Variants in TNKS observed in about 807,000 individuals in gnomAD.
The protein encoded by TNKS is tankyrase, also known as poly [ADP-ribose] polymerase tankyrase-1.
Under a neutral mutation model 135.8 loss-of-function variants are expected in TNKS, and 72 were observed. The ratio of observed to expected loss-of-function variants is 0.53; its 90% confidence interval spans 0.44 to 0.64. TNKS has a LOEUF of 0.64. Among genes scored for constraint, TNKS ranks in the 30% least tolerant of loss-of-function variants. The pLI is 0.00. For missense variants in TNKS, 1,769 were observed against 1,674.0 expected (o/e 1.06, Z -0.99); for synonymous variants, 849 against 649.3 (o/e 1.31, Z -4.68).
chr8:9,587,970 A>G (rs1186384522), intron 2 of TNKS, among the ~76,000 whole-genome samples: 2 of 152,214 alleles, frequency 1.3e-5, no homozygotes, highest in Non-Finnish European at 2.9e-5. Context: ...GTCACTGAGG[A>G]TAAGTAGCAG....
At chr8:9,600,241 C>CT (rs1390524343) in intron 2 of TNKS, among the ~76,000 whole-genome samples, 2 of 152,292 alleles carry the variant, frequency 1.3e-5, no homozygotes, top group East Asian at 3.9e-4. Context: ...GTTCTTAACT[C>CT]TAACTATGGC....
At chr8:9,757,428 C>T (rs952394781) in intron 20 of TNKS, among the ~76,000 whole-genome samples, 1 of 152,206 alleles carries the variant, frequency 6.6e-6, no homozygotes. Context: ...CTCAAATACT[C>T]TGTATTCTTT....
At chr8:9,565,546 C>G (rs1285241402) in intron 1 of TNKS, among the ~76,000 whole-genome samples, 2 of 152,098 alleles carry the variant, frequency 1.3e-5, no homozygotes, top group Non-Finnish European at 2.9e-5. Context: ...AAGCTATAGT[C>G]TCTGTGTCAT....
At chr8:9,765,608 T>C in intron 23 of TNKS, 84 bp from the exon 24 acceptor site, 12 of 1,183,292 alleles carry the variant, frequency 1.0e-5, no homozygotes, top group Non-Finnish European at 1.2e-5. Flanking sequence ...AAATTGAACC[T>C]TCCTAAAAGG....
intron 2 of TNKS, among the ~76,000 whole-genome samples, chr8:9,596,027 A>C (rs547360480): frequency 1.3e-5 from 2 of 152,156 alleles, no homozygotes; most frequent in Non-Finnish European, 2.9e-5. Context: ...CAGAAGGATC[A>C]CTTGAGTGGG....
At chr8:9,652,184 T>C (rs1298513764) in intron 3 of TNKS, among the ~76,000 whole-genome samples, 1 of 152,180 alleles carries the variant, frequency 6.6e-6, no homozygotes, top group Non-Finnish European at 1.5e-5. Flanking sequence ...CAGATAGATA[T>C]TTGTATGACA....
At chr8:9,716,870 T>C (rs1804627431) in intron 11 of TNKS, among the ~76,000 whole-genome samples, 1 of 151,706 alleles carries the variant, frequency 6.6e-6, no homozygotes, top group African/African-American at 2.4e-5. Flanking sequence ...CTTAGAAGTA[T>C]ACCACCTGCA....
At chr8:9,571,333 A>C (rs576007656) in intron 1 of TNKS, among the ~76,000 whole-genome samples, 2 of 152,254 alleles carry the variant, frequency 1.3e-5, no homozygotes, top group African/African-American at 2.4e-5. Flanking sequence ...TCGCTTTGGT[A>C]ATCGTCTTAG....
chr8:9,703,671 T>C (rs1489124821), intron 5 of TNKS, among the ~76,000 whole-genome samples: 5 of 152,250 alleles, frequency 3.3e-5, no homozygotes, highest in Non-Finnish European at 7.3e-5. Context: ...AGTACTTCTT[T>C]TGTATCTTCA....
At chr8:9,647,201 G>C (rs140613233) in intron 3 of TNKS, among the ~76,000 whole-genome samples, 1 of 152,238 alleles carries the variant, frequency 6.6e-6, no homozygotes, top group East Asian at 1.9e-4. Flanking sequence ...TCTACCCTCA[G>C]TCTAGACAAT....
chr8:9,702,260 G>A (rs1483692838), intron 5 of TNKS, among the ~76,000 whole-genome samples: 1 of 152,060 alleles, frequency 6.6e-6, no homozygotes, highest in Non-Finnish European at 1.5e-5. Context: ...AACTATATAG[G>A]TCTAAGAAGC....
intron 5 of TNKS, among the ~76,000 whole-genome samples, chr8:9,686,279 C>A (rs1161041614): frequency 1.3e-5 from 2 of 152,154 alleles, no homozygotes; most frequent in Non-Finnish European, 2.9e-5. Context: ...AGGCCCCTAG[C>A]CAACAGACCC....
chr8:9,598,371 A>G (rs1196416229), intron 2 of TNKS, among the ~76,000 whole-genome samples: 1 of 152,026 alleles, frequency 6.6e-6, no homozygotes, highest in Admixed American at 6.6e-5. Context: ...TTCTTAGGAG[A>G]CTAAAATTGA....
chr8:9,607,947 A>G (rs1222750118), intron 2 of TNKS, among the ~76,000 whole-genome samples: 1 of 151,944 alleles, frequency 6.6e-6, no homozygotes, highest in Non-Finnish European at 1.5e-5. Flanking sequence ...GATTTGTGTT[A>G]TTTTAGTTTT....
intron 3 of TNKS, among the ~76,000 whole-genome samples, chr8:9,620,020 G>A (rs1032166552): frequency 4.0e-5 from 6 of 151,644 alleles, no homozygotes; most frequent in African/African-American, 1.5e-4. Context: ...CGCTATCTTG[G>A]CTCACTGCAA....
intron 2 of TNKS, among the ~76,000 whole-genome samples, chr8:9,602,932 T>C (rs916887369): frequency 2.0e-5 from 3 of 152,256 alleles, no homozygotes; most frequent in African/African-American, 7.2e-5. Context: ...TGATCAATAC[T>C]TGATCTATAT....
intron 18 of TNKS, among the ~76,000 whole-genome samples, chr8:9,749,356 C>G (rs1350923143): frequency 6.6e-6 from 1 of 152,128 alleles, no homozygotes; most frequent in Non-Finnish European, 1.5e-5. Context: ...CAGCCAGACA[C>G]ATGTTATCAG....
intron 2 of TNKS, among the ~76,000 whole-genome samples, chr8:9,596,031 G>T (rs571061701): frequency 6.6e-6 from 1 of 152,304 alleles, no homozygotes; most frequent in South Asian, 2.1e-4. Flanking sequence ...AGGATCACTT[G>T]AGTGGGGAGG....
chr8:9,680,324 A>G (rs1802729801), intron 4 of TNKS, among the ~76,000 whole-genome samples: 1 of 152,050 alleles, frequency 6.6e-6, no homozygotes, highest in Non-Finnish European at 1.5e-5. Context: ...TGAAGAGCAA[A>G]AAGTAAATGT....
Sources: gnomAD v4.1 joint callset for allele counts (sites outside exome capture counted in the v4.1 genomes callset) on GRCh38, gnomAD v4.1.1 for gene constraint, MANE v1.5 for transcripts, NCBI Gene and HGNC (gene_info 2026-07-23, HGNC 2026-07-21) for gene names.